Variants in ZFYVE9 observed in about 807,000 individuals in gnomAD.
ZFYVE9 encodes zinc finger FYVE-type containing 9, also known as zinc finger FYVE domain-containing protein 9.
ZFYVE9 carries 43 observed loss-of-function variants against 126.7 expected under a neutral mutation model. The ratio of observed to expected loss-of-function variants is 0.34; its 90% CI spans 0.27 to 0.44. The LOEUF is 0.44. Ranked by LOEUF, ZFYVE9 falls within the 20% of genes least tolerant of loss-of-function variation. The pLI, the probability that ZFYVE9 is intolerant of heterozygous loss-of-function variation, is 1.00. For missense variants in ZFYVE9, 1,476 were observed against 1,697.0 expected (o/e 0.87, Z 2.29); for synonymous variants, 521 against 597.4 (o/e 0.87, Z 1.87).
At chr1:52,144,736 A>G (rs1048092063) in intron 1 of ZFYVE9, among the ~76,000 whole-genome samples, 6 of 152,006 alleles carry the variant, frequency 3.9e-5, no homozygotes, top group Admixed American at 2.6e-4. Context: ...AGCTGATCCA[A>G]TCAGCAACCA....
At chr1:52,337,977 G>A (rs1646404010) in intron 16 of ZFYVE9, 43 bp downstream of exon 16, 1 of 1,587,548 alleles carries the variant, frequency 6.3e-7, no homozygotes, top group Non-Finnish European at 8.6e-7. Context: ...TTAGTTATAG[G>A]TTAGGCTCTG....
At chr1:52,233,331 A>G (rs1046263491) in intron 3 of ZFYVE9, 55 bp downstream of exon 3, 31 of 1,266,802 alleles carry the variant, frequency 2.4e-5, no homozygotes, top group Non-Finnish European at 3.2e-5. Context: ...GAATGTGGGG[A>G]TATAAGAGGA....
chr1:52,223,367 C>A (rs1645141888), intron 2 of ZFYVE9, among the ~76,000 whole-genome samples: 1 of 152,138 alleles, frequency 6.6e-6, no homozygotes, highest in Non-Finnish European at 1.5e-5. Flanking sequence ...TCTACAAGTT[C>A]TATTCTCCTG....
intron 10 of ZFYVE9, among the ~76,000 whole-genome samples, chr1:52,286,311 A>G (rs1645858454): frequency 6.6e-6 from 1 of 152,226 alleles, no homozygotes; most frequent in Non-Finnish European, 1.5e-5. Flanking sequence ...ATCACAGAAA[A>G]GCCTTAGGAG....
chr1:52,166,667 C>T (rs1030930951), intron 1 of ZFYVE9, among the ~76,000 whole-genome samples: 4 of 152,108 alleles, frequency 2.6e-5, no homozygotes, highest in East Asian at 1.9e-4. Context: ...GTAATCCCAG[C>T]GTGAGGAGGC....
intron 7 of ZFYVE9, among the ~76,000 whole-genome samples, chr1:52,272,492 C>T (rs1347381822): frequency 6.6e-6 from 1 of 152,042 alleles, no homozygotes; most frequent in Admixed American, 6.6e-5. Context: ...TTGTGTTTAG[C>T]TTTTTAAGCT....
intron 16 of ZFYVE9, 88 bp from the exon 17 acceptor site, chr1:52,340,038 A>T: frequency 9.7e-7 from 1 of 1,026,084 alleles, no homozygotes; most frequent in Non-Finnish European, 1.5e-6. Context: ...TGTAATTAGC[A>T]GGAAGACTTC....
At chr1:52,274,363 A>C in intron 7 of ZFYVE9, 101 bp from the exon 8 acceptor site, 2 of 1,388,818 alleles carry the variant, frequency 1.4e-6, no homozygotes, top group Non-Finnish European at 1.9e-6. Context: ...AAAAGTATGA[A>C]TTTCAGATTT....
At chr1:52,314,429 C>A (rs1324144955) in intron 13 of ZFYVE9, among the ~76,000 whole-genome samples, 1 of 152,194 alleles carries the variant, frequency 6.6e-6, no homozygotes, top group Non-Finnish European at 1.5e-5. Context: ...CACCCATAAT[C>A]CCAGCACTTT....
At chr1:52,318,329 G>A (rs1013766127) in intron 13 of ZFYVE9, among the ~76,000 whole-genome samples, 5 of 151,056 alleles carry the variant, frequency 3.3e-5, no homozygotes, top group Admixed American at 1.3e-4. Flanking sequence ...AGCAGTTGAC[G>A]AAATCCTACT....
chr1:52,316,279 C>T (rs911684216), intron 13 of ZFYVE9, among the ~76,000 whole-genome samples: 4 of 146,104 alleles, frequency 2.7e-5, no homozygotes, highest in Admixed American at 6.8e-5. Flanking sequence ...TGAGGTCAGG[C>T]GTGTGAGACC....
chr1:52,274,605 A>G, intron 8 of ZFYVE9, 21 bp downstream of exon 8: 1 of 1,587,692 alleles, frequency 6.3e-7, no homozygotes, highest in Non-Finnish European at 8.6e-7. Context: ...TACATATTTA[A>G]ACAGTGATAG....
At chr1:52,308,301 C>A (rs1431070162) in intron 13 of ZFYVE9, among the ~76,000 whole-genome samples, 3 of 152,116 alleles carry the variant, frequency 2.0e-5, no homozygotes, top group Non-Finnish European at 4.4e-5. Context: ...CCACTTCAGC[C>A]TCCTAAGTAG....
intron 1 of ZFYVE9, among the ~76,000 whole-genome samples, chr1:52,187,140 T>G (rs180686431): frequency 6.6e-6 from 1 of 151,958 alleles, no homozygotes; most frequent in African/African-American, 2.4e-5. Context: ...TGGAACAGAA[T>G]AGAGAGCCCA....
intron 1 of ZFYVE9, among the ~76,000 whole-genome samples, chr1:52,204,219 C>A (rs558895797): frequency 1.3e-5 from 2 of 152,004 alleles, no homozygotes; most frequent in South Asian, 2.1e-4. Context: ...TTCTATAGTT[C>A]TACGATTAAG....
chr1:52,286,078 C>T (rs546050677), intron 10 of ZFYVE9, among the ~76,000 whole-genome samples: 3 of 152,104 alleles, frequency 2.0e-5, no homozygotes, highest in African/African-American at 7.2e-5. Flanking sequence ...ATTGCTTGAA[C>T]CCTGGAGGCA....
intron 1 of ZFYVE9, among the ~76,000 whole-genome samples, chr1:52,196,088 G>A (rs778724024): frequency 1.3e-5 from 2 of 151,936 alleles, no homozygotes; most frequent in Non-Finnish European, 2.9e-5. Context: ...CACCGTGCCC[G>A]GCCAGTATAG....
chr1:52,225,027 C>T (rs559067289), intron 2 of ZFYVE9, among the ~76,000 whole-genome samples: 1 of 152,288 alleles, frequency 6.6e-6, no homozygotes. Flanking sequence ...AAGGTGACCA[C>T]AGAACCGAGT....
chr1:52,320,466 A>G (rs905387982), intron 13 of ZFYVE9, among the ~76,000 whole-genome samples: 2 of 152,250 alleles, frequency 1.3e-5, no homozygotes, highest in Admixed American at 6.5e-5. Context: ...GAGTCAAAAC[A>G]TAGATGCTTA....
Sources: gnomAD v4.1 joint callset for allele counts (sites outside exome capture counted in the v4.1 genomes callset) on GRCh38, gnomAD v4.1.1 for gene constraint, MANE v1.5 for transcripts, NCBI Gene and HGNC (gene_info 2026-07-23, HGNC 2026-07-21) for gene names.